Variants in CXCL13 observed in about 807,000 individuals in gnomAD.
The protein encoded by CXCL13 is C-X-C motif chemokine ligand 13, also known as C-X-C motif chemokine 13.
A neutral mutation model predicts 12.2 loss-of-function variants in CXCL13; 7 were observed. The ratio of observed to expected loss-of-function variants is 0.57; its 90% confidence interval spans 0.33 to 1.07. CXCL13 has a LOEUF of 1.07. Among genes scored for constraint, CXCL13 ranks in the 50% least tolerant of loss-of-function variants. The pLI, the probability that CXCL13 is intolerant of heterozygous loss-of-function variation, is 0.04. For synonymous variants in CXCL13, 47 were observed against 42.4 expected (o/e 1.11, Z -0.42); for missense variants, 113 against 127.4 (o/e 0.89, Z 0.55).
chr4:77,605,768 G>A (rs931678173), upstream of CXCL13: 4 of 590,332 alleles, frequency 6.8e-6, no homozygotes, highest in African/African-American at 5.6e-5. Context: ...CAAAGGCAGT[G>A]GGAGGGCCCT....
rs1004124850 is a variant in CXCL13 at position 77,522,492 on chromosome 4, G to C, written c.-43+10704G>C. Among the ~76,000 whole-genome samples, 5 of 124,654 alleles carry C rather than the reference G, an allele frequency of 4.0e-5. No homozygotes were observed. In the East Asian group the frequency reaches 1.3e-3, roughly 31 times the overall value. The allele number at this position is 124,654 out of a possible 152,430, so 81.8% of individuals were successfully genotyped here. A position where few individuals can be genotyped will look rare whatever the true frequency, so the allele number is the denominator to read the frequency against. ...TATTTGTTTAAAGTCTGTTTTATCA[G>C]AGACTAGGACTGCAACCCCTGCTTT... On this transcript the variant is annotated intron_variant, in intron 1 of 4. Coordinates refer to the CXCL13 transcript ENST00000286758.
In CXCL13 at chr4:77,611,678, CT is replaced by C. The variant is rs1191395118; in HGVS notation, c.*642del. The C allele has an allele frequency of 2.5e-6, 1 of 397,922 alleles. No homozygotes were observed. The highest frequency in any genetic ancestry group is 4.4e-6 in the Non-Finnish European group (1 of 225,842). 24.6% of individuals were successfully genotyped at this position (397,922 alleles called of 1,614,324 possible). A position where few individuals can be genotyped will look rare whatever the true frequency, so the allele number is the denominator to read the frequency against. ...TTAAAGGGTGATGTACACATGTATC[CT>C]TTCACACATTTGCCTTGACAAACTT... On this transcript the variant is annotated 3_prime_UTR_variant, in exon 4 of 4. Coordinates refer to ENST00000682537, the MANE Select transcript of CXCL13 (RefSeq NM_001371558.1).
chr4:77,538,963 A>G (rs1725136386), intron 1 of CXCL13, among the ~76,000 whole-genome samples: 1 of 152,204 alleles, frequency 6.6e-6, no homozygotes, highest in African/African-American at 2.4e-5. Flanking sequence ...AACAAGAGTG[A>G]AAGTTTATTA....
intron 1 of CXCL13, among the ~76,000 whole-genome samples, chr4:77,537,843 C>T (rs1179970790): frequency 1.3e-5 from 2 of 152,158 alleles, no homozygotes. Flanking sequence ...ATTTGGCCAA[C>T]CCAAGCATTT....
chr4:77,574,370 A>G lies in CXCL13; in HGVS notation c.-42-31454A>G, dbSNP rs934604764. 5.9e-5 allele frequency among the ~76,000 whole-genome samples: 9 copies of G among 151,878 alleles called. 1 individual carries two copies. Among genetic ancestry groups the G allele is most frequent in the African/African-American group, 1.9e-4 (8 of 41,144 alleles). On this transcript the variant is annotated intron_variant, in intron 1 of 4. Coordinates refer to the CXCL13 transcript ENST00000286758. ...ATGGAACCACAGTAATTGAAAGTGG[A>G]CAGGTCTGTCTCAAAATCTACGGCC...
chr4:77,533,375 G>A (rs1177164160), intron 1 of CXCL13, among the ~76,000 whole-genome samples: 1 of 152,216 alleles, frequency 6.6e-6, no homozygotes, highest in Non-Finnish European at 1.5e-5. Flanking sequence ...AGATGTTGCT[G>A]CCTGATCGTT....
chr4:77,564,791 G>T (rs1725885160), intron 1 of CXCL13, among the ~76,000 whole-genome samples: 2 of 152,208 alleles, frequency 1.3e-5, no homozygotes, highest in Non-Finnish European at 2.9e-5. Context: ...TAAAAGGCAT[G>T]ATGGAGCAGA....
chr4:77,528,684 T>G (rs2110083409), intron 1 of CXCL13, among the ~76,000 whole-genome samples: 1 of 152,350 alleles, frequency 6.6e-6, no homozygotes, highest in South Asian at 2.1e-4. Context: ...GTTAGCCCTT[T>G]GTCAGATGAG....
In CXCL13 at chr4:77,524,692, C is replaced by T. The variant is rs116132428; in HGVS notation, c.-43+12904C>T. Reference sequence around the variant, plus strand: ...TGCACTTCCCGGGTGAGGCTATGTCCCACCCTGCTTCAGCTCACCCTCTGT... The same window carrying T: ...TGCACTTCCCGGGTGAGGCTATGTCTCACCCTGCTTCAGCTCACCCTCTGT... On this transcript the variant is annotated intron_variant, in intron 1 of 4. Transcript: ENST00000286758. Among the ~76,000 whole-genome samples, 1,114 of 152,230 alleles carry T rather than the reference C, an allele frequency of 7.3e-3. 13 individuals carry two copies. The highest frequency in any genetic ancestry group is 0.025 in the African/African-American group (1,049 of 41,528).
intron 1 of CXCL13, among the ~76,000 whole-genome samples, chr4:77,564,557 G>A (rs1041219996): frequency 2.0e-5 from 3 of 152,200 alleles, no homozygotes; most frequent in Non-Finnish European, 2.9e-5. Context: ...CTGTTAAAAA[G>A]GGACTTATAG....
At chr4:77,600,345 C>A (rs1726859420) in intron 1 of CXCL13, among the ~76,000 whole-genome samples, 1 of 151,902 alleles carries the variant, frequency 6.6e-6, no homozygotes, top group Non-Finnish European at 1.5e-5. Context: ...CTTGGGGGCA[C>A]CTGAGGTTTG....
chr4:77,556,850 G>C (rs355677), intron 1 of CXCL13, among the ~76,000 whole-genome samples: 55,317 of 151,682 alleles, frequency 0.36, 12,530 homozygotes, highest in African/African-American at 0.64. Context: ...GAGCTTGTCC[G>C]TACAAAAAAA....
rs1405087997 is a variant in CXCL13, at chr4:77,611,662, G to A, written c.*623G>A. 2.5e-6 allele frequency: 1 copy of A among 396,392 alleles called. No homozygotes were observed. The highest frequency in any genetic ancestry group is 3.6e-5 in the East Asian group (1 of 27,910). 24.6% of individuals were successfully genotyped at this position (396,392 alleles called of 1,614,324 possible). A position where few individuals can be genotyped will look rare whatever the true frequency, so the allele number is the denominator to read the frequency against. ...TACTCAGGGAAAGCATTTAAAGGGT[G>A]ATGTACACATGTATCCTTTCACACA... On this transcript the variant is annotated 3_prime_UTR_variant, in exon 4 of 4. Coordinates refer to ENST00000682537, the MANE Select transcript of CXCL13 (RefSeq NM_001371558.1).
intron 1 of CXCL13, among the ~76,000 whole-genome samples, chr4:77,517,057 G>A (rs546687869): frequency 2.0e-4 from 31 of 151,880 alleles, no homozygotes; most frequent in African/African-American, 7.3e-4. Flanking sequence ...CCTTCATTTT[G>A]TTATGTACCC....
At chr4:77,523,112 C>A (rs1724657981) in intron 1 of CXCL13, among the ~76,000 whole-genome samples, 1 of 152,136 alleles carries the variant, frequency 6.6e-6, no homozygotes, top group African/African-American at 2.4e-5. Flanking sequence ...TTGTGGGTAA[C>A]CCGACCTTTC....
intron 1 of CXCL13, among the ~76,000 whole-genome samples, chr4:77,568,382 C>T (rs1248107024): frequency 1.3e-5 from 2 of 152,142 alleles, no homozygotes. Context: ...TCTTTATAAC[C>T]CCCTTTGTCA....
chr4:77,565,555 G>A (rs971666354), intron 1 of CXCL13, among the ~76,000 whole-genome samples: 5 of 152,090 alleles, frequency 3.3e-5, no homozygotes, highest in Non-Finnish European at 5.9e-5. Context: ...CAATTCAGAC[G>A]CCTTTACAAT....
At chr4:77,595,482 A>T (rs544115099) in intron 1 of CXCL13, among the ~76,000 whole-genome samples, 29 of 152,170 alleles carry the variant, frequency 1.9e-4, no homozygotes, top group Non-Finnish European at 3.5e-4. Flanking sequence ...GATTTAGTTC[A>T]CTTTTGGACC....
intron 1 of CXCL13, among the ~76,000 whole-genome samples, chr4:77,571,016 T>A (rs1726063060): frequency 6.6e-6 from 1 of 151,968 alleles, no homozygotes; most frequent in Non-Finnish European, 1.5e-5. Context: ...CGGTGCCCAG[T>A]CCCATCGGCC....
Sources: allele counts gnomAD v4.1 joint callset (sites outside exome capture counted in the v4.1 genomes callset), GRCh38; gene constraint gnomAD v4.1.1; transcripts MANE v1.5; gene names NCBI Gene and HGNC (gene_info 2026-07-23, HGNC 2026-07-21).